The following KCNB2 variants were observed in gnomAD, a reference collection of about 807,000 sequenced individuals.
KCNB2 encodes the protein delayed rectifier potassium channel protein.
A neutral mutation model predicts 61.5 loss-of-function variants in KCNB2; 15 were observed. That is an observed-to-expected ratio of 0.24 (90% CI 0.16 to 0.38). KCNB2 has a LOEUF of 0.38. Among genes scored for constraint, KCNB2 ranks in the 10% least tolerant of loss-of-function variants. The pLI, the probability that KCNB2 is intolerant of heterozygous loss-of-function variation, is 1.00. For synonymous variants in KCNB2, 457 were observed against 446.0 expected (o/e 1.02, Z -0.31); for missense variants, 828 against 1,125.2 (o/e 0.74, Z 3.78).
At chr8:72,618,184 T>TAA (rs397774049) in intron 2 of KCNB2, among the ~76,000 whole-genome samples, 2 of 147,624 alleles carry the variant, frequency 1.4e-5, no homozygotes, top group African/African-American at 4.9e-5. Flanking sequence ...ACATGTGTGT[T>TAA]AAAAAAAAAA....
chr8:72,618,677 A>G (rs1160209222), intron 2 of KCNB2: 4 of 159,998 alleles, frequency 2.5e-5, no homozygotes, highest in African/African-American at 7.2e-5. Context: ...GTAAAGTCCT[A>G]TTCAATTTAC....
chr8:72,579,140 C>T (rs2128980180), intron 2 of KCNB2, among the ~76,000 whole-genome samples: 1 of 152,282 alleles, frequency 6.6e-6, no homozygotes, highest in East Asian at 1.9e-4. Context: ...TACATACCTG[C>T]TTCTTAGCTC....
intron 2 of KCNB2, among the ~76,000 whole-genome samples, chr8:72,609,804 C>T (rs1805509011): frequency 6.6e-6 from 1 of 152,100 alleles, no homozygotes; most frequent in African/African-American, 2.4e-5. Context: ...AACCATTTTT[C>T]ATTAAAGTCC....
At chr8:72,889,638 G>C (rs1241698711) in intron 2 of KCNB2, among the ~76,000 whole-genome samples, 1 of 152,062 alleles carries the variant, frequency 6.6e-6, no homozygotes, top group African/African-American at 2.4e-5. Flanking sequence ...AGTGAGCCAA[G>C]ATCGTACTAC....
At chr8:72,780,977 A>G (rs1808743276) in intron 2 of KCNB2, among the ~76,000 whole-genome samples, 1 of 152,122 alleles carries the variant, frequency 6.6e-6, no homozygotes, top group Non-Finnish European at 1.5e-5. Flanking sequence ...ATGATCAGTG[A>G]TGCTGAGCTT....
intron 2 of KCNB2, among the ~76,000 whole-genome samples, chr8:72,858,819 T>A (rs894608104): frequency 6.6e-6 from 1 of 152,236 alleles, no homozygotes; most frequent in Admixed American, 6.5e-5. Context: ...TCTTCCTCAA[T>A]ACATGTTGTC....
At position 72,725,593 on chromosome 8, in the gene KCNB2, A is replaced by G. The variant is rs1374444060; in HGVS notation, c.579+157280A>G. On this transcript the variant is annotated intron_variant, in intron 2 of 2. Coordinates refer to ENST00000523207, the MANE Select transcript of KCNB2 (RefSeq NM_004770.3). ...TATATATGTATATATATATGTATGTATATATATATATATATATATATATAT... is the reference window on the plus strand; with the variant it reads ...TATATATGTATATATATATGTATGTGTATATATATATATATATATATATAT... Among the ~76,000 whole-genome samples, 319 of 32,398 alleles carry G rather than the reference A, an allele frequency of 9.8e-3. 6 individuals carry two copies. Among genetic ancestry groups the G allele is most frequent in the Middle Eastern group, 0.031 (2 of 64 alleles). The allele number at this position is 32,398 out of a possible 152,430, so 21.3% of individuals were successfully genotyped here.
chr8:72,640,812 G>A (rs1806043281), intron 2 of KCNB2, among the ~76,000 whole-genome samples: 1 of 152,024 alleles, frequency 6.6e-6, no homozygotes, highest in Non-Finnish European at 1.5e-5. Flanking sequence ...TTAGACCTAA[G>A]ATCTTTTAAA....
chr8:72,665,154 C>T (rs1290674891), intron 2 of KCNB2, among the ~76,000 whole-genome samples: 4 of 152,116 alleles, frequency 2.6e-5, no homozygotes, highest in Non-Finnish European at 5.9e-5. Flanking sequence ...TGCATATGAC[C>T]GCTTGAGGTG....
intron 2 of KCNB2, among the ~76,000 whole-genome samples, chr8:72,735,033 T>C (rs114183329): frequency 0.018 from 2,770 of 152,218 alleles, 68 homozygotes; most frequent in African/African-American, 0.061. Context: ...GGCAATTCAG[T>C]GGTTTATAAT....
At chr8:72,812,969 T>C (rs1809329560) in intron 2 of KCNB2, among the ~76,000 whole-genome samples, 1 of 152,182 alleles carries the variant, frequency 6.6e-6, no homozygotes. Flanking sequence ...AACTAGATGC[T>C]CTTTAACTAT....
intron 2 of KCNB2, among the ~76,000 whole-genome samples, chr8:72,826,194 A>G (rs1809592832): frequency 6.6e-6 from 1 of 152,186 alleles, no homozygotes; most frequent in African/African-American, 2.4e-5. Context: ...TCCATTACGT[A>G]TCATATCAGT....
chr8:72,690,205 TAC>T (rs1806918470), intron 2 of KCNB2, among the ~76,000 whole-genome samples: 1 of 152,222 alleles, frequency 6.6e-6, no homozygotes, highest in African/African-American at 2.4e-5. Context: ...CCATGAATCG[TAC>T]ACTGTTTAGA....
intron 2 of KCNB2, among the ~76,000 whole-genome samples, chr8:72,686,369 A>T (rs561266850): frequency 6.6e-6 from 1 of 152,154 alleles, no homozygotes; most frequent in South Asian, 2.1e-4. Context: ...TTTTTTTGAA[A>T]CAAGGTCTTG....
At chr8:72,873,009 G>A (rs1008396419) in intron 2 of KCNB2, among the ~76,000 whole-genome samples, 14 of 152,126 alleles carry the variant, frequency 9.2e-5, no homozygotes, top group Admixed American at 6.5e-4. Context: ...GTTTATTGAT[G>A]AGGTGAATCA....
chr8:72,805,646 T>C (rs1280104242), intron 2 of KCNB2, among the ~76,000 whole-genome samples: 1 of 152,220 alleles, frequency 6.6e-6, no homozygotes, highest in Non-Finnish European at 1.5e-5. Context: ...ATTAACCAGA[T>C]TGATTCATGC....
chr8:72,561,021 A>AC (rs1806502343), intron 1 of KCNB2, among the ~76,000 whole-genome samples: 1 of 152,174 alleles, frequency 6.6e-6, no homozygotes, highest in South Asian at 2.1e-4. Flanking sequence ...TGCTCATATT[A>AC]CATATCCTAT....
intron 2 of KCNB2, among the ~76,000 whole-genome samples, chr8:72,756,634 C>T (rs1465906967): frequency 9.2e-5 from 14 of 152,268 alleles, no homozygotes; most frequent in Middle Eastern, 3.4e-3. Flanking sequence ...CCGATTTAAT[C>T]GAAAGCACAG....
At chr8:72,691,598 A>G (rs1563560951) in intron 2 of KCNB2, among the ~76,000 whole-genome samples, 1 of 152,202 alleles carries the variant, frequency 6.6e-6, no homozygotes, top group Non-Finnish European at 1.5e-5. Context: ...CTTACTAAAA[A>G]TTTGATATCC....
Sources: gnomAD v4.1 joint callset for allele counts (sites outside exome capture counted in the v4.1 genomes callset) on GRCh38, gnomAD v4.1.1 for gene constraint, MANE v1.5 for transcripts, NCBI Gene and HGNC (gene_info 2026-07-23, HGNC 2026-07-21) for gene names.